NAT10: variants seen among roughly 807,000 people sequenced by gnomAD.
NAT10 encodes N-acetyltransferase 10, also known as RNA cytidine acetyltransferase.
Under a neutral mutation model 132.2 loss-of-function variants are expected in NAT10, and 109 were observed. That is an observed-to-expected ratio of 0.82 (90% CI 0.71 to 0.97). NAT10 has a LOEUF of 0.97. NAT10 is among the 50% of genes least tolerant of loss of function. NAT10 has a pLI of 0.00. For synonymous variants in NAT10, 479 were observed against 478.0 expected (o/e 1.00, Z -0.03); for missense variants, 1,184 against 1,263.4 (o/e 0.94, Z 0.95).
chr11:34,127,657 G>T (rs1852020319), intron 12 of NAT10, 58 bp downstream of exon 12: 2 of 1,550,630 alleles, frequency 1.3e-6, no homozygotes, highest in Admixed American at 1.8e-5. Flanking sequence ...AGATTTAGGG[G>T]CATGTAGTGG....
At chr11:34,110,478 A>G (rs76978376) in intron 3 of NAT10, among the ~76,000 whole-genome samples, 8 of 147,134 alleles carry the variant, frequency 5.4e-5, no homozygotes, top group Non-Finnish European at 8.9e-5. Context: ...TCCTTCTCCT[A>G]TAATGTTTGC....
At chr11:34,142,197 C>T (rs1290430210) in intron 26 of NAT10, 78 bp from the exon 27 acceptor site, 10 of 1,347,962 alleles carry the variant, frequency 7.4e-6, no homozygotes, top group Non-Finnish European at 9.6e-6. Flanking sequence ...TGTGCCATTC[C>T]ACCCCAGCTT....
At chr11:34,122,171 C>T (rs1851906438) in intron 8 of NAT10, among the ~76,000 whole-genome samples, 1 of 152,028 alleles carries the variant, frequency 6.6e-6, no homozygotes, top group Non-Finnish European at 1.5e-5. Flanking sequence ...AGTGAAACTC[C>T]ATCTCAGAAG....
chr11:34,121,870 A>AG, intron 8 of NAT10, among the ~76,000 whole-genome samples: 1 of 146,694 alleles, frequency 6.8e-6, no homozygotes, highest in African/African-American at 2.5e-5. Context: ...AAAAAAAAAA[A>AG]AAAAAAAAAA....
At chr11:34,138,079 G>A (rs1852249992) in intron 21 of NAT10, among the ~76,000 whole-genome samples, 1 of 152,236 alleles carries the variant, frequency 6.6e-6, no homozygotes, top group South Asian at 2.1e-4. Context: ...AAGAAGGATT[G>A]TCCGATGGGA....
At chr11:34,141,510 C>A (rs1052957253) in intron 25 of NAT10, among the ~76,000 whole-genome samples, 2 of 152,114 alleles carry the variant, frequency 1.3e-5, no homozygotes, top group Non-Finnish European at 2.9e-5. Context: ...TGTGTCCTCT[C>A]CCAGAGGCAT....
At chr11:34,107,030 A>ATT (rs1851606088) in intron 1 of NAT10, 1 of 85,094 alleles carries the variant, frequency 1.2e-5, no homozygotes, top group African/African-American at 4.9e-5. Flanking sequence ...TAATCACAGA[A>ATT]CTTTTTTTTT....
chr11:34,110,111 T>C (rs1851666763), intron 3 of NAT10, among the ~76,000 whole-genome samples: 1 of 152,150 alleles, frequency 6.6e-6, no homozygotes, highest in South Asian at 2.1e-4. Flanking sequence ...GTCTCCTTTT[T>C]TGGCTTCAGT....
At position 34,118,176 on chromosome 11, in the gene NAT10, T is replaced by G. The variant is rs1182269985; in HGVS notation, c.558-4T>G. On this transcript the variant is annotated splice_polypyrimidine_tract_variant and splice_region_variant and intron_variant, in intron 6 of 28. Coordinates refer to ENST00000257829, the MANE Select transcript of NAT10 (RefSeq NM_024662.3). ...CACTTCATTGCAGCGGTTTTGTATCTCAGGTTTATTCTGTCTCTGGCCTCT... is the reference window on the plus strand; with the variant it reads ...CACTTCATTGCAGCGGTTTTGTATCGCAGGTTTATTCTGTCTCTGGCCTCT... The G allele has an allele frequency of 6.2e-7, 1 of 1,610,864 alleles. No homozygotes were observed. The highest frequency in any genetic ancestry group is 2.2e-5 in the East Asian group (1 of 44,868).
chr11:34,124,113 G>C (rs1020372597), intron 10 of NAT10, among the ~76,000 whole-genome samples, 189 bp from the exon 11 acceptor site: 1 of 151,986 alleles, frequency 6.6e-6, no homozygotes, highest in African/African-American at 2.4e-5. Context: ...AGGTTGCAGT[G>C]AGCTGAGATC....
intron 8 of NAT10, among the ~76,000 whole-genome samples, chr11:34,119,775 T>C (rs1851854373): frequency 3.9e-5 from 6 of 152,250 alleles, no homozygotes; most frequent in Admixed American, 3.9e-4. Context: ...AGTGGTCCCC[T>C]GTTAGACATT....
In NAT10 at chr11:34,141,114, A is replaced by G. The variant is rs1282273233; in HGVS notation, c.2618A>G (p.Gln873Arg). The G allele has an allele frequency of 6.2e-7, 1 of 1,614,030 alleles. No homozygotes were observed. Among genetic ancestry groups the G allele is most frequent in the South Asian group, 1.1e-5 (1 of 91,074 alleles). Residue 873 changes from glutamine to arginine, a missense_variant, in exon 25 of 29, where the codon CAG becomes CGG. Transcript: ENST00000257829. ...QSALLLGIGL[Q>R]HKSVDQLEKE... ...GCTCTTCTCTTGGGGATTGGCCTGC[A>G]GCATAAGTCTGTGGACCAGCTGGAA...
rs1852445709 is a variant in NAT10 at position 34,146,590 on chromosome 11, C to T, written c.*398C>T. On this transcript the variant is annotated 3_prime_UTR_variant, in exon 29 of 29. Coordinates refer to ENST00000257829, the MANE Select transcript of NAT10 (RefSeq NM_024662.3). ...TCGCTTTCTGGTGGTGCCCAGGAGG[C>T]TGCTGCTGGGCCGCTGGGTCTCTCT... 6.3e-6 allele frequency: 1 copy of T among 158,744 alleles called. No individual in the cohort carries two copies. Among genetic ancestry groups the T allele is most frequent in the Non-Finnish European group, 1.4e-5 (1 of 71,894 alleles). 9.8% of individuals were successfully genotyped at this position (158,744 alleles called of 1,614,324 possible).
chr11:34,131,596 C>T, intron 14 of NAT10, 65 bp downstream of exon 14: 1 of 1,489,926 alleles, frequency 6.7e-7, no homozygotes, highest in Non-Finnish European at 9.0e-7. Flanking sequence ...ATTCAAAGGA[C>T]TTGAGTCCTT....
intron 11 of NAT10, 71 bp downstream of exon 11, chr11:34,124,471 TC>T: frequency 1.8e-6 from 2 of 1,136,516 alleles, no homozygotes; most frequent in Non-Finnish European, 1.3e-6. Flanking sequence ...CTAAGATGTT[TC>T]CTGTTATAGA....
At chr11:34,116,134 C>G (rs1348449147) in intron 6 of NAT10, among the ~76,000 whole-genome samples, 1 of 152,186 alleles carries the variant, frequency 6.6e-6, no homozygotes, top group African/African-American at 2.4e-5. Context: ...CCAGGTTACT[C>G]TCTCTGGTTC....
In NAT10 at chr11:34,139,151, AG is replaced by A. The variant is rs780759233; in HGVS notation, c.2212-35del. On this transcript the variant is annotated intron_variant, in intron 21 of 28. Transcript: ENST00000257829. Reference sequence around the variant, plus strand: ...CATCAATGATGGGTTATTCAAAAAAAGGGGGTTCTTGGTGCCAGTTAAACCT... The same window carrying A: ...CATCAATGATGGGTTATTCAAAAAAAGGGGTTCTTGGTGCCAGTTAAACCT... 1.9e-6 allele frequency: 3 copies of A among 1,552,106 alleles called. 1 individual carries two copies. The South Asian group carries it at 3.3e-5, about 17-fold the overall frequency.
chr11:34,145,960 G>T (rs999133176), intron 28 of NAT10, 124 bp from the exon 29 acceptor site: 138 of 646,882 alleles, frequency 2.1e-4, no homozygotes, highest in Admixed American at 6.0e-5. Context: ...ATGTCCAATT[G>T]GGTGGCCTAC....
rs188023116 is a variant in NAT10 at position 34,118,571 on chromosome 11, C to T, written c.780+68C>T. 78 of 1,329,500 alleles carry T rather than the reference C, an allele frequency of 5.9e-5. No individual in the cohort carries two copies. In the African/African-American group the frequency reaches 9.9e-4, roughly 17 times the overall value. The allele number at this position is 1,329,500 out of a possible 1,614,324, so 82.4% of individuals were successfully genotyped here. A position where few individuals can be genotyped will look rare whatever the true frequency, so the allele number is the denominator to read the frequency against. ...CATAGCATACGGAGCGTAACAGAAG[C>T]CAAGGTACGTTGACTCAAGACCCAG... On this transcript the variant is annotated intron_variant, in intron 8 of 28. Coordinates refer to ENST00000257829, the MANE Select transcript of NAT10 (RefSeq NM_024662.3).
Sources: allele counts gnomAD v4.1 joint callset (sites outside exome capture counted in the v4.1 genomes callset), GRCh38; gene constraint gnomAD v4.1.1; transcripts MANE v1.5; gene names NCBI Gene and HGNC (gene_info 2026-07-23, HGNC 2026-07-21).